The following CDH4 variants were observed in gnomAD, a reference collection of about 807,000 sequenced individuals.
CDH4 encodes cadherin-4.
A neutral mutation model predicts 86.0 loss-of-function variants in CDH4; 33 were observed. The observed-to-expected ratio is 0.38, with a 90% CI of 0.29 to 0.51. The LOEUF is 0.51. Ranked by LOEUF, CDH4 falls within the 20% of genes least tolerant of loss-of-function variation. The pLI, the probability that CDH4 is intolerant of heterozygous loss-of-function variation, is 0.86. For missense variants in CDH4, 1,114 were observed against 1,307.4 expected (o/e 0.85, Z 2.28); for synonymous variants, 555 against 549.4 (o/e 1.01, Z -0.14).
intron 6 of CDH4, among the ~76,000 whole-genome samples, chr20:61,872,992 A>G (rs991581905): frequency 6.6e-6 from 1 of 152,238 alleles, no homozygotes; most frequent in East Asian, 1.9e-4. Flanking sequence ...CTGCACAGCC[A>G]AAGAAAAGCC....
At position 61,780,843 on chromosome 20, in the gene CDH4, G is replaced by A. The variant is rs542552100; in HGVS notation, c.576+7661G>A. ...CATCCCAGGCCTTGCCTCAAAGGGT[G>A]AGTGGATCTCAGGCAGGAAGCCACA... On this transcript the variant is annotated intron_variant, in intron 4 of 15. Coordinates refer to ENST00000614565, the MANE Select transcript of CDH4 (RefSeq NM_001794.5). 3.5e-4 allele frequency among the ~76,000 whole-genome samples: 54 copies of A among 152,316 alleles called. 1 individual carries two copies. The South Asian group carries it at 0.01, about 29-fold the overall frequency.
intron 2 of CDH4, among the ~76,000 whole-genome samples, chr20:61,287,416 A>C (rs2084299292): frequency 6.6e-6 from 1 of 152,120 alleles, no homozygotes; most frequent in South Asian, 2.1e-4. Context: ...TCAAGGCTGC[A>C]GTGAGCTGTG....
In CDH4 at chr20:61,516,646, A is replaced by G. The variant is rs1454357363; in HGVS notation, c.170-226917A>G. On this transcript the variant is annotated intron_variant, in intron 2 of 15. Coordinates refer to ENST00000614565, the MANE Select transcript of CDH4 (RefSeq NM_001794.5). This position sits in a 1 kb window ranked among gnomAD's most constrained non-coding sequence, Gnocchi z 4.0. ...CTGAGCTATTTTAAAGCAAAGTATCAGACCCTCAGAGAGGCCGGATTGATT... is the reference window on the plus strand; with the variant it reads ...CTGAGCTATTTTAAAGCAAAGTATCGGACCCTCAGAGAGGCCGGATTGATT... 6.6e-6 allele frequency among the ~76,000 whole-genome samples: 1 copy of G among 152,214 alleles called. No homozygotes were observed.
intron 2 of CDH4, among the ~76,000 whole-genome samples, chr20:61,445,019 CTGTG>C (rs2085340618): frequency 6.6e-6 from 1 of 151,930 alleles, no homozygotes; most frequent in Non-Finnish European, 1.5e-5. Context: ...TTCTCTGTGG[CTGTG>C]TGTATCTCTG....
intron 6 of CDH4, among the ~76,000 whole-genome samples, chr20:61,860,244 TACAAG>T (rs1470213197): frequency 6.6e-6 from 1 of 152,230 alleles, no homozygotes; most frequent in Non-Finnish European, 1.5e-5. Flanking sequence ...TCTTAATAAA[TACAAG>T]ACAACTTTGA....
intron 2 of CDH4, among the ~76,000 whole-genome samples, chr20:61,584,705 G>T (rs2086456726): frequency 6.6e-6 from 1 of 152,232 alleles, no homozygotes; most frequent in Admixed American, 6.5e-5. Flanking sequence ...TGCTTAGTGG[G>T]GGTGGGGCAT....
At chr20:61,782,913 A>G (rs762799013) in intron 4 of CDH4, among the ~76,000 whole-genome samples, 1 of 152,170 alleles carries the variant, frequency 6.6e-6, no homozygotes, top group Non-Finnish European at 1.5e-5. Flanking sequence ...GTGAAACCCC[A>G]TCTCTACTAA....
intron 4 of CDH4, among the ~76,000 whole-genome samples, chr20:61,781,892 A>T (rs990412705): frequency 6.6e-6 from 1 of 152,262 alleles, no homozygotes; most frequent in Non-Finnish European, 1.5e-5. Flanking sequence ...CCGGGGCAGC[A>T]GTCAGAATGG....
At chr20:61,533,249 G>T (rs1337828834) in intron 2 of CDH4, among the ~76,000 whole-genome samples, 3 of 152,238 alleles carry the variant, frequency 2.0e-5, no homozygotes, top group Non-Finnish European at 4.4e-5. Flanking sequence ...CAGACAAGGA[G>T]TGGCAGGGCG....
intron 2 of CDH4, among the ~76,000 whole-genome samples, chr20:61,358,256 G>A (rs971847138): frequency 2.0e-5 from 3 of 152,114 alleles, no homozygotes; most frequent in African/African-American, 7.2e-5. Context: ...TCCCTCAGCC[G>A]ACCCACTGTG....
At chr20:61,289,275 T>G (rs745701051) in intron 2 of CDH4, among the ~76,000 whole-genome samples, 3 of 152,302 alleles carry the variant, frequency 2.0e-5, no homozygotes, top group Non-Finnish European at 4.4e-5. Flanking sequence ...TCCCTCAGTC[T>G]ATGGGTAGGG....
intron 2 of CDH4, among the ~76,000 whole-genome samples, chr20:61,301,511 T>C (rs2427057): frequency 0.95 from 144,589 of 152,264 alleles, 68,881 homozygotes; most frequent in East Asian, 1. Context: ...CTTGGTCATA[T>C]GACCTCCAGA....
At chr20:61,748,506 C>G (rs2088446411) in intron 3 of CDH4, among the ~76,000 whole-genome samples, 1 of 152,114 alleles carries the variant, frequency 6.6e-6, no homozygotes, top group South Asian at 2.1e-4. Flanking sequence ...AAATGATGTT[C>G]TTCAAACAAA....
intron 2 of CDH4, among the ~76,000 whole-genome samples, chr20:61,342,703 C>T (rs980633632): frequency 6.6e-6 from 1 of 152,166 alleles, no homozygotes; most frequent in African/African-American, 2.4e-5. Context: ...TCTGCCCTGG[C>T]TGGGAAGGAT....
intron 4 of CDH4, among the ~76,000 whole-genome samples, chr20:61,792,457 G>A (rs1979253001): frequency 6.6e-6 from 1 of 152,200 alleles, no homozygotes; most frequent in South Asian, 2.1e-4. Flanking sequence ...GCTGCTGGGT[G>A]CGCGGGAGTT....
intron 5 of CDH4, among the ~76,000 whole-genome samples, chr20:61,847,811 G>A (rs1982527086): frequency 6.6e-6 from 1 of 152,172 alleles, no homozygotes; most frequent in South Asian, 2.1e-4. Context: ...GGACGGAGGT[G>A]CCAAGCTCTT....
At chr20:61,723,492 G>C (rs2088067072) in intron 2 of CDH4, among the ~76,000 whole-genome samples, 1 of 152,186 alleles carries the variant, frequency 6.6e-6, no homozygotes, top group Non-Finnish European at 1.5e-5. Context: ...GGGTTGGCCT[G>C]GGCCCTGCTG....
Position 61,460,980 on chromosome 20 carries a change from C to T in CDH4, c.169+206043C>T, listed in dbSNP as rs78063755. Among the ~76,000 whole-genome samples, 674 of 152,264 alleles carry T rather than the reference C, an allele frequency of 4.4e-3. 19 individuals carry two copies. The East Asian group carries it at 0.058, about 13-fold the overall frequency. On this transcript the variant is annotated intron_variant, in intron 2 of 15. Coordinates refer to ENST00000614565, the MANE Select transcript of CDH4 (RefSeq NM_001794.5). ...GACCCCTCTCCCTGGGCTGCCCTGT[C>T]GACAGTATCCTGCTCCCATCTAAGC...
At chr20:61,491,647 T>C (rs372305706) in intron 2 of CDH4, among the ~76,000 whole-genome samples, 1 of 152,216 alleles carries the variant, frequency 6.6e-6, no homozygotes, top group East Asian at 1.9e-4. Context: ...CCCATGTACA[T>C]ATATTTCCTC....
Sources: gnomAD v4.1 joint callset for allele counts (sites outside exome capture counted in the v4.1 genomes callset) on GRCh38, gnomAD v4.1.1 for gene constraint, Gnocchi (gnomAD v3.1) non-coding constraint, MANE v1.5 for transcripts, NCBI Gene and HGNC (gene_info 2026-07-23, HGNC 2026-07-21) for gene names.